MED27: variants seen among roughly 807,000 people sequenced by gnomAD.
The protein encoded by MED27 is mediator of RNA polymerase II transcription subunit 27.
MED27 carries 30 observed loss-of-function variants against 38.2 expected under a neutral mutation model. That is an observed-to-expected ratio of 0.79 (90% confidence interval 0.59 to 1.07). The LOEUF (loss-of-function observed/expected upper bound fraction) is 1.07. MED27 is among the 50% of genes least tolerant of loss of function. MED27 has a pLI of 0.00. For missense variants in MED27, 289 were observed against 397.5 expected, an observed-to-expected ratio of 0.73 and a Z score of 2.32; for synonymous variants, 122 against 153.5, an observed-to-expected ratio of 0.79 and a Z score of 1.52.
chr9:132,034,294 G>A (rs1174249446), intron 2 of MED27, among the ~76,000 whole-genome samples: 2 of 152,138 alleles, frequency 1.3e-5, no homozygotes, highest in African/African-American at 4.8e-5. Context: ...AAAGAAAGAG[G>A]AGTTTAAAAG....
intron 2 of MED27, among the ~76,000 whole-genome samples, chr9:132,036,688 T>C (rs1589280221): frequency 1.3e-5 from 2 of 152,290 alleles, no homozygotes; most frequent in East Asian, 1.9e-4. Flanking sequence ...TATGCATACG[T>C]TTCATAGGGT....
chr9:131,880,569 A>G (rs905164296), intron 6 of MED27, among the ~76,000 whole-genome samples: 1 of 152,214 alleles, frequency 6.6e-6, no homozygotes, highest in Non-Finnish European at 1.5e-5. Context: ...TACACATGAT[A>G]TGCCACTCAC....
intron 3 of MED27, among the ~76,000 whole-genome samples, chr9:132,007,730 T>C (rs1450721369): frequency 6.6e-6 from 1 of 151,856 alleles, no homozygotes; most frequent in African/African-American, 2.4e-5. Context: ...GAAATAATTA[T>C]GGTGTAGGAC....
chr9:131,947,214 G>A (rs1005684333), intron 3 of MED27, among the ~76,000 whole-genome samples: 3 of 152,124 alleles, frequency 2.0e-5, no homozygotes, highest in Admixed American at 6.6e-5. Context: ...GTGAGGTGTC[G>A]GGGGTCCATT....
At chr9:132,031,626 T>TA (rs1009640165) in intron 2 of MED27, among the ~76,000 whole-genome samples, 13 of 151,950 alleles carry the variant, frequency 8.6e-5, no homozygotes, top group South Asian at 2.1e-4. Context: ...ACCCCTCCTC[T>TA]AAAAAAAATA....
intron 2 of MED27, among the ~76,000 whole-genome samples, chr9:132,039,185 A>C (rs1490638638): frequency 6.6e-6 from 1 of 152,184 alleles, no homozygotes; most frequent in Non-Finnish European, 1.5e-5. Flanking sequence ...AGAAACCACA[A>C]AGAACACTAT....
intron 3 of MED27, among the ~76,000 whole-genome samples, chr9:131,943,138 A>G (rs1830816928): frequency 6.6e-6 from 1 of 152,150 alleles, no homozygotes; most frequent in Admixed American, 6.5e-5. Context: ...GGAGATGCAA[A>G]TTTCTTTTCT....
chr9:132,079,592 G>A (rs780305846), intron 1 of MED27, 50 bp downstream of exon 1: 5 of 1,578,514 alleles, frequency 3.2e-6, no homozygotes, highest in African/African-American at 1.4e-5. Context: ...GTAGGGGCAG[G>A]GTCGGAGCGG....
chr9:131,971,228 G>A (rs1831468076), intron 3 of MED27, among the ~76,000 whole-genome samples: 1 of 152,154 alleles, frequency 6.6e-6, no homozygotes, highest in African/African-American at 2.4e-5. Context: ...TAATGAAAAA[G>A]CATGCTGGGA....
chr9:131,920,690 G>C lies in MED27; in HGVS notation c.573+18691C>G, dbSNP rs545259897. On this transcript the variant is annotated intron_variant, in intron 4 of 7. Coordinates refer to ENST00000292035, the MANE Select transcript of MED27 (RefSeq NM_004269.4). ...TAGTCAGTTGCACTTGGTGGTAGAA[G>C]AGACAGGAGAGCAGAGCCTTGAAGA... is the stretch of plus-strand genomic sequence containing the variant. Among the ~76,000 whole-genome samples, 14 of 152,288 alleles carry C rather than the reference G, an allele frequency of 9.2e-5. No homozygotes were observed. The East Asian group carries it at 2.3e-3, about 25-fold the overall frequency.
At position 132,043,441 on chromosome 9, in the gene MED27, G is replaced by A. The variant is rs548351279; in HGVS notation, c.349-28974C>T. On this transcript the variant is annotated intron_variant, in intron 2 of 7. Coordinates refer to ENST00000292035, the MANE Select transcript of MED27 (RefSeq NM_004269.4). ...GAATGAGGAGGGGCTCATAACACAC[G>A]CACAGGAACTGCTGCCTGCTCTGTT... is the stretch of plus-strand genomic sequence containing the variant. 7.9e-5 allele frequency among the ~76,000 whole-genome samples: 12 copies of A among 152,078 alleles called. 1 individual carries two copies. In the South Asian group the frequency reaches 2.1e-3, roughly 26 times the overall value.
chr9:132,064,248 C>T (rs965888270), intron 2 of MED27, among the ~76,000 whole-genome samples: 1 of 152,062 alleles, frequency 6.6e-6, no homozygotes, highest in Non-Finnish European at 1.5e-5. Context: ...ACAGAGCATC[C>T]GGGAACCCAG....
chr9:132,054,788 C>T (rs1833540753), intron 2 of MED27, among the ~76,000 whole-genome samples: 1 of 152,182 alleles, frequency 6.6e-6, no homozygotes, highest in South Asian at 2.1e-4. Flanking sequence ...ACCTGCAAAT[C>T]TAATTTTTAG....
intron 3 of MED27, among the ~76,000 whole-genome samples, chr9:131,952,777 T>C (rs2130987217): frequency 6.6e-6 from 1 of 152,332 alleles, no homozygotes; most frequent in South Asian, 2.1e-4. Context: ...TATGCCCTCC[T>C]CTTACCCCTG....
At chr9:131,988,758 ATGCACCACTG>A (rs1198669712) in intron 3 of MED27, among the ~76,000 whole-genome samples, 2 of 152,210 alleles carry the variant, frequency 1.3e-5, no homozygotes, top group African/African-American at 4.8e-5. Context: ...GATAACAGGC[ATGCACCACTG>A]TGCCCAGCTA....
intron 2 of MED27, among the ~76,000 whole-genome samples, chr9:132,028,027 C>T (rs1213722970): frequency 6.6e-6 from 1 of 152,176 alleles, no homozygotes; most frequent in African/African-American, 2.4e-5. Flanking sequence ...TCACAGGGCA[C>T]ACACACAGCC....
chr9:131,860,755 C>G lies in MED27; in HGVS notation c.802-83G>C. ...CTCCTTCCTATCAAGCCTAATGGCC[C>G]AGACAACTTAAGTTGGCTTTGGCCC... On this transcript the variant is annotated intron_variant, in intron 7 of 7. Coordinates refer to ENST00000292035, the MANE Select transcript of MED27 (RefSeq NM_004269.4). This position sits in a 1 kb window ranked among gnomAD's most constrained non-coding sequence, Gnocchi z 5.8. 6 of 1,513,668 alleles carry G rather than the reference C, an allele frequency of 4.0e-6. No homozygotes were observed. The South Asian group carries it at 7.3e-5, about 18-fold the overall frequency. The allele number at this position is 1,513,668 out of a possible 1,614,324, so 93.8% of individuals were successfully genotyped here. A position where few individuals can be genotyped will look rare whatever the true frequency, so the allele number is the denominator to read the frequency against.
chr9:132,034,380 T>TAG (rs1381093509), intron 2 of MED27, among the ~76,000 whole-genome samples: 6 of 152,176 alleles, frequency 3.9e-5, no homozygotes, highest in Admixed American at 6.5e-5. Flanking sequence ...TAAAGTCACC[T>TAG]ACTATCACAA....
intron 2 of MED27, among the ~76,000 whole-genome samples, chr9:132,064,650 C>T (rs376532281): frequency 1.3e-5 from 2 of 152,180 alleles, no homozygotes; most frequent in African/African-American, 4.8e-5. Context: ...AGCCAGAAAA[C>T]GGTATATCGC....
Sources: allele counts gnomAD v4.1 joint callset (sites outside exome capture counted in the v4.1 genomes callset), GRCh38; gene constraint gnomAD v4.1.1; non-coding constraint Gnocchi (gnomAD v3.1); transcripts MANE v1.5; gene names NCBI Gene and HGNC (gene_info 2026-07-23, HGNC 2026-07-21).